TTC7A: variants seen among roughly 807,000 people sequenced by gnomAD.
The protein encoded by TTC7A is tetratricopeptide repeat domain 7A.
In TTC7A, 110 loss-of-function variants were observed where a neutral mutation model predicts 103.7. The ratio of observed to expected loss-of-function variants is 1.06; its 90% CI spans 0.91 to 1.24. The LOEUF (loss-of-function observed/expected upper bound fraction) is 1.24. Among genes scored for constraint, TTC7A ranks in the 50% most tolerant of loss-of-function variants. The pLI is 0.00. For missense variants in TTC7A, 1,340 were observed against 1,116.3 expected, an observed-to-expected ratio of 1.20 and a Z score of -2.86; for synonymous variants, 521 against 467.9, an observed-to-expected ratio of 1.11 and a Z score of -1.47.
intron 19 of TTC7A, among the ~76,000 whole-genome samples, chr2:47,071,774 C>T (rs1386380751): frequency 1.3e-5 from 2 of 152,188 alleles, no homozygotes; most frequent in South Asian, 2.1e-4. Flanking sequence ...ACACATCTGG[C>T]CCCTTCCCAA....
At chr2:47,070,386 A>C (rs1684574703) in intron 19 of TTC7A, among the ~76,000 whole-genome samples, 1 of 152,184 alleles carries the variant, frequency 6.6e-6, no homozygotes, top group South Asian at 2.1e-4. Flanking sequence ...AGCATCCCTG[A>C]TCGGAGGTCC....
chr2:47,005,448 G>A lies in TTC7A; in HGVS notation c.1066-474G>A, dbSNP rs55839799. Among the ~76,000 whole-genome samples, 16,658 of 152,188 alleles carry A rather than the reference G, an allele frequency of 0.11. 1,086 individuals are homozygous for A. Among genetic ancestry groups the A allele is most frequent in the Admixed American group, 0.14 (2,149 of 15,290 alleles). On this transcript the variant is annotated intron_variant, in intron 8 of 19. Coordinates refer to ENST00000319190, the MANE Select transcript of TTC7A (RefSeq NM_020458.4). Reference sequence around the variant, plus strand: ...GACTGTTCCATAAAACGACTGGCCTGTGCTCCTCAAAAATGCCAGTGTCAT... The same window carrying A: ...GACTGTTCCATAAAACGACTGGCCTATGCTCCTCAAAAATGCCAGTGTCAT...
intron 16 of TTC7A, among the ~76,000 whole-genome samples, chr2:47,046,639 G>C (rs755825602): frequency 6.6e-5 from 10 of 152,212 alleles, no homozygotes; most frequent in Admixed American, 1.3e-4. Flanking sequence ...GAGACCCTAC[G>C]TAGGACATTG....
chr2:47,015,460 G>A (rs914911708), intron 11 of TTC7A, among the ~76,000 whole-genome samples: 3 of 152,210 alleles, frequency 2.0e-5, no homozygotes, highest in Admixed American at 6.5e-5. Context: ...GTGGAAAAGT[G>A]CATAGGCTTT....
intron 5 of TTC7A, among the ~76,000 whole-genome samples, chr2:46,986,735 T>G (rs1174021693): frequency 6.6e-6 from 1 of 152,166 alleles, no homozygotes; most frequent in Non-Finnish European, 1.5e-5. Context: ...GAGACCCTGC[T>G]GAGAACAGGG....
intron 15 of TTC7A, among the ~76,000 whole-genome samples, chr2:47,040,746 A>G (rs1020932748): frequency 2.6e-5 from 4 of 152,194 alleles, no homozygotes; most frequent in African/African-American, 9.7e-5. Context: ...CTTAGAGGTC[A>G]TCACAGTTCA....
chr2:46,966,893 G>A (rs1285011179), intron 3 of TTC7A, among the ~76,000 whole-genome samples: 1 of 78,156 alleles, frequency 1.3e-5, no homozygotes, highest in Non-Finnish European at 2.8e-5. Context: ...AATTGCCTGT[G>A]TTTTTTGTTT....
intron 18 of TTC7A, among the ~76,000 whole-genome samples, chr2:47,054,612 G>A (rs1000961174): frequency 5.3e-5 from 8 of 152,146 alleles, no homozygotes; most frequent in African/African-American, 1.7e-4. Context: ...GCAGGCAGAC[G>A]ACTTGAGCCC....
intron 4 of TTC7A, among the ~76,000 whole-genome samples, chr2:46,975,589 G>T (rs939495521): frequency 6.6e-6 from 1 of 152,074 alleles, no homozygotes; most frequent in Non-Finnish European, 1.5e-5. Flanking sequence ...TCCCTGTGGT[G>T]GGTCTGGGTT....
At chr2:46,978,995 C>A in intron 5 of TTC7A, 88 bp downstream of exon 5, 1 of 860,966 alleles carries the variant, frequency 1.2e-6, no homozygotes. Flanking sequence ...TCCCTCTTCT[C>A]TGGCCTGTGC....
chr2:46,944,381 T>TGTTTTTG (rs1170813126), intron 1 of TTC7A, among the ~76,000 whole-genome samples: 2 of 145,904 alleles, frequency 1.4e-5, no homozygotes, highest in African/African-American at 5.1e-5. Flanking sequence ...TGGGTTTTTT[T>TGTTTTTG]TTTTTTTTTT....
intron 15 of TTC7A, among the ~76,000 whole-genome samples, chr2:47,045,821 C>G (rs1377049327): frequency 1.3e-5 from 2 of 152,196 alleles, no homozygotes; most frequent in Non-Finnish European, 2.9e-5. Flanking sequence ...TAGGGGACCT[C>G]CTTGCCAGTT....
chr2:46,958,092 G>T (rs984744676), intron 3 of TTC7A, among the ~76,000 whole-genome samples: 1 of 152,174 alleles, frequency 6.6e-6, no homozygotes, highest in African/African-American at 2.4e-5. Context: ...CACACACTCA[G>T]TTTCCCCTGT....
chr2:46,998,745 T>G (rs1037100007), intron 8 of TTC7A, among the ~76,000 whole-genome samples: 2 of 152,180 alleles, frequency 1.3e-5, no homozygotes, highest in African/African-American at 4.8e-5. Context: ...AAACGGTGTT[T>G]GCAGGCCTCC....
At chr2:46,995,635 G>A (rs1245439451) in intron 8 of TTC7A, among the ~76,000 whole-genome samples, 1 of 152,194 alleles carries the variant, frequency 6.6e-6, no homozygotes. Flanking sequence ...GTTGAGGGCT[G>A]GGGCACATCA....
chr2:46,948,660 A>G (rs1218319538), intron 1 of TTC7A, among the ~76,000 whole-genome samples: 2 of 152,070 alleles, frequency 1.3e-5, no homozygotes, highest in African/African-American at 4.8e-5. Flanking sequence ...AGGTCTCCCT[A>G]TGTTGCCCAG....
At chr2:46,934,787 CTTTTTTTTTTTTTTTTTTTT>C (rs1161003607) in intron 2 of TTC7A, among the ~76,000 whole-genome samples, 3 of 66,888 alleles carry the variant, frequency 4.5e-5, no homozygotes, top group Non-Finnish European at 5.4e-5. Context: ...GACTACTGCT[CTTTTTTTTTTTTTTTTTTTT>C]TTTTTTTTTT....
rs918773529 is a variant in TTC7A at position 47,007,825 on chromosome 2, C to T, written c.1287+1101C>T. Among the ~76,000 whole-genome samples the T allele has an allele frequency of 6.6e-6, 1 of 152,232 alleles. No individual in the cohort carries two copies. Among genetic ancestry groups the T allele is most frequent in the African/African-American group, 2.4e-5 (1 of 41,462 alleles). On this transcript the variant is annotated intron_variant, in intron 10 of 19. Coordinates refer to ENST00000319190, the MANE Select transcript of TTC7A (RefSeq NM_020458.4). The surrounding 1 kb of genome is among the most constrained non-coding windows in gnomAD (Gnocchi z 4.9). ...CCATCACATCGGACACCTCACAGAG[C>T]ATCTTGAAGTCACAGCATGATCTCC...
In TTC7A at chr2:47,074,361, A is replaced by G; in HGVS notation, c.*438A>G. 6.1e-6 allele frequency: 1 copy of G among 163,518 alleles called. No homozygotes were observed. Among genetic ancestry groups the G allele is most frequent in the South Asian group, 1.8e-4 (1 of 5,482 alleles). 10.1% of individuals were successfully genotyped at this position (163,518 alleles called of 1,614,324 possible). A position where few individuals can be genotyped will look rare whatever the true frequency, so the allele number is the denominator to read the frequency against. On this transcript the variant is annotated 3_prime_UTR_variant, in exon 20 of 20. Coordinates refer to ENST00000319190, the MANE Select transcript of TTC7A (RefSeq NM_020458.4). Reference sequence around the variant, plus strand: ...GAAGAAACTGCGGGCAAGTGGGAAGACTATGAGATTTCTGGGTTCCCTTCT... The same window carrying G: ...GAAGAAACTGCGGGCAAGTGGGAAGGCTATGAGATTTCTGGGTTCCCTTCT...
Sources: allele counts gnomAD v4.1 joint callset (sites outside exome capture counted in the v4.1 genomes callset), GRCh38; gene constraint gnomAD v4.1.1; non-coding constraint Gnocchi (gnomAD v3.1); transcripts MANE v1.5; gene names NCBI Gene and HGNC (gene_info 2026-07-23, HGNC 2026-07-21).